ZBTB49: variants seen among roughly 807,000 people sequenced by gnomAD.
ZBTB49 encodes the protein zinc finger and BTB domain-containing protein 49.
A neutral mutation model predicts 57.5 loss-of-function variants in ZBTB49; 43 were observed. The observed-to-expected ratio is 0.75, with a 90% CI of 0.59 to 0.97. The LOEUF is 0.97. Ranked by LOEUF, ZBTB49 falls within the 50% of genes least tolerant of loss-of-function variation. ZBTB49 has a pLI of 0.00. For missense variants in ZBTB49, 938 were observed against 947.7 expected, an observed-to-expected ratio of 0.99 and a Z score of 0.13; for synonymous variants, 369 against 362.1, an observed-to-expected ratio of 1.02 and a Z score of -0.22.
intron 3 of ZBTB49, among the ~76,000 whole-genome samples, chr4:4,305,412 C>T (rs759101121): frequency 6.6e-6 from 1 of 152,044 alleles, no homozygotes; most frequent in African/African-American, 2.4e-5. Flanking sequence ...TATTCATTAG[C>T]GTTATATAGA....
Position 4,306,174 on chromosome 4 carries a change from A to T in ZBTB49, c.1292A>T (p.His431Leu). ...KPFECNICGKHFSQAGNLQTH... is the reference protein window; with the variant it reads ...KPFECNICGKLFSQAGNLQTH... ...TTTGAATGTAACATTTGTGGGAAAC[A>T]TTTCTCTCAGGTGGGAATACTCTTA... The change falls in exon 4 of 8, where the codon CAT becomes CTT. Residue 431 changes from histidine to leucine, a missense_variant. His to Leu is a moderately conservative substitution (Grantham distance 99). Transcript: ENST00000337872. 7 of 1,612,902 alleles carry T rather than the reference A, an allele frequency of 4.3e-6. No individual in the cohort carries two copies. The highest frequency in any genetic ancestry group is 5.9e-6 in the Non-Finnish European group (7 of 1,179,484).
rs1352995299 is a variant in ZBTB49, at chr4:4,315,805, C to G, written c.1460-4C>G. 6.2e-7 allele frequency: 1 copy of G among 1,614,146 alleles called. No homozygotes were observed. Among genetic ancestry groups the G allele is most frequent in the African/African-American group, 1.3e-5 (1 of 75,056 alleles). ...CAGCTTAACACCTGTTATGGTCTCT[C>G]TAGGGTTTAGTAACTTCAGTAATTT... On this transcript the variant is annotated splice_region_variant and splice_polypyrimidine_tract_variant and intron_variant, in intron 6 of 7. Transcript: ENST00000337872.
At chr4:4,303,939 C>T (rs1007542242) in intron 3 of ZBTB49, among the ~76,000 whole-genome samples, 1 of 152,106 alleles carries the variant, frequency 6.6e-6, no homozygotes, top group African/African-American at 2.4e-5. Flanking sequence ...GCTTCCACAG[C>T]AGCTGCTTTT....
At chr4:4,293,814 C>G (rs1720057518) in intron 1 of ZBTB49, among the ~76,000 whole-genome samples, 1 of 152,186 alleles carries the variant, frequency 6.6e-6, no homozygotes, top group South Asian at 2.1e-4. Context: ...CTCAGGCCTT[C>G]CATAGCCACT....
chr4:4,318,462 C>G (rs1305827968), intron 7 of ZBTB49, among the ~76,000 whole-genome samples: 1 of 151,936 alleles, frequency 6.6e-6, no homozygotes, highest in Non-Finnish European at 1.5e-5. Flanking sequence ...CTAAAAATAC[C>G]AAAATTAGCT....
At chr4:4,300,668 C>A (rs979618328) in intron 2 of ZBTB49, among the ~76,000 whole-genome samples, 1 of 151,888 alleles carries the variant, frequency 6.6e-6, no homozygotes, top group Non-Finnish European at 1.5e-5. Context: ...GTATTCCCAG[C>A]TACTCAGGAG....
chr4:4,306,164 T>C lies in ZBTB49; in HGVS notation c.1282T>C (p.Cys428Arg). ...TGAGAAACCTTTTGAATGTAACATT[T>C]GTGGGAAACATTTCTCTCAGGTGGG... The part of the protein sequence containing the change: ...TGEKPFECNI[C>R]GKHFSQAGNL... The change falls in exon 4 of 8, where the codon TGT becomes CGT. Residue 428 changes from cysteine to arginine, a missense_variant. By Grantham distance (180) the Cys-to-Arg change is radical (BLOSUM62 -3). Coordinates refer to ENST00000337872, the MANE Select transcript of ZBTB49 (RefSeq NM_145291.4). The C allele has an allele frequency of 2.5e-6, 4 of 1,613,214 alleles. No homozygotes were observed. Among genetic ancestry groups the C allele is most frequent in the Non-Finnish European group, 3.4e-6 (4 of 1,179,666 alleles).
intron 1 of ZBTB49, 61 bp from the exon 2 acceptor site, chr4:4,299,866 C>A: frequency 4.1e-6 from 6 of 1,475,336 alleles, no homozygotes; most frequent in Admixed American, 1.8e-5. Context: ...AGTTTCAGTC[C>A]CATTTAGTTT....
At position 4,300,062 on chromosome 4, in the gene ZBTB49, T is replaced by C; in HGVS notation, c.117T>C (p.His39=). The change falls in exon 2 of 8, where the codon CAT becomes CAC. Residue 39 remains histidine (H), a synonymous_variant. Coordinates refer to ENST00000337872, the MANE Select transcript of ZBTB49 (RefSeq NM_145291.4). The part of the protein sequence containing the change: ...LVVKGVCFKA[H]KNVLAAFSQY... ...TAAAAGGAGTCTGCTTTAAAGCGCA[T>C]AAGAATGTCCTGGCAGCATTCAGCC... is the stretch of plus-strand genomic sequence containing the variant. 1 of 1,614,218 alleles carries C rather than the reference T, an allele frequency of 6.2e-7. No homozygotes were observed. The highest frequency in any genetic ancestry group is 8.5e-7 in the Non-Finnish European group (1 of 1,180,040).
intron 1 of ZBTB49, among the ~76,000 whole-genome samples, chr4:4,294,644 C>T (rs538175928): frequency 7.9e-5 from 12 of 152,232 alleles, no homozygotes; most frequent in African/African-American, 2.2e-4. Flanking sequence ...CATGAGCCAC[C>T]GCACCCAGCC....
chr4:4,292,136 C>G (rs544412836), intron 1 of ZBTB49, among the ~76,000 whole-genome samples: 10 of 151,898 alleles, frequency 6.6e-5, no homozygotes, highest in Non-Finnish European at 1.3e-4. Context: ...CAAAAATTAG[C>G]TGGGTGTGGT....
chr4:4,301,897 G>A lies in ZBTB49; in HGVS notation c.153-92G>A, dbSNP rs1720487036. The A allele has an allele frequency of 5.7e-6, 7 of 1,233,540 alleles. No homozygotes were observed. The Admixed American group carries it at 2.3e-4, about 41-fold the overall frequency. 76.4% of individuals were successfully genotyped at this position (1,233,540 alleles called of 1,614,324 possible). ...AAGTTTTGACATTCACAGAAGGATA[G>A]TATTTTTTAATATTAATATATGAAT... On this transcript the variant is annotated intron_variant, in intron 2 of 7. Transcript: ENST00000337872.
intron 1 of ZBTB49, among the ~76,000 whole-genome samples, chr4:4,299,326 C>T (rs142504929): frequency 1.3e-5 from 2 of 152,238 alleles, no homozygotes; most frequent in African/African-American, 4.8e-5. Flanking sequence ...TGCTTCTTTG[C>T]GATGTCTCTT....
chr4:4,319,055 A>G (rs559021903), intron 7 of ZBTB49, among the ~76,000 whole-genome samples: 27 of 151,810 alleles, frequency 1.8e-4, no homozygotes, highest in Non-Finnish European at 3.2e-4. Flanking sequence ...ACACCCAGCT[A>G]ATTTTTATTT....
intron 4 of ZBTB49, among the ~76,000 whole-genome samples, chr4:4,309,118 A>G (rs1349049038): frequency 1.3e-5 from 2 of 152,262 alleles, no homozygotes; most frequent in Non-Finnish European, 2.9e-5. Context: ...GTATAAAAAC[A>G]TTTACAAATA....
At chr4:4,306,007 T>A in intron 3 of ZBTB49, 131 bp from the exon 4 acceptor site, 1 of 656,460 alleles carries the variant, frequency 1.5e-6, no homozygotes, top group East Asian at 2.7e-5. Flanking sequence ...AAGTAGACAC[T>A]CCCTATTTTC....
Position 4,302,419 on chromosome 4 carries a change from C to T in ZBTB49, c.583C>T (p.Pro195Ser), listed in dbSNP as rs1008289320. Reference protein sequence around the residue: ...HSAGEISKQAPDTSDGSCTEL... With the variant: ...HSAGEISKQASDTSDGSCTEL... ...CGCAGGTGAAATCTCAAAACAAGCT[C>T]CTGATACTTCAGATGGCAGCTGCAC... Residue 195 changes from proline (P) to serine (S), a missense_variant, in exon 3 of 8, where the codon CCT becomes TCT. Transcript: ENST00000337872. 6.2e-7 allele frequency: 1 copy of T among 1,614,234 alleles called. No homozygotes were observed.
intron 1 of ZBTB49, among the ~76,000 whole-genome samples, chr4:4,290,773 A>G (rs890869489): frequency 4.6e-5 from 7 of 152,236 alleles, no homozygotes; most frequent in African/African-American, 1.7e-4. Flanking sequence ...AAGACGACAG[A>G]GCCCACAGCC....
intron 7 of ZBTB49, among the ~76,000 whole-genome samples, chr4:4,317,454 C>A (rs979697158): frequency 6.6e-6 from 1 of 152,024 alleles, no homozygotes; most frequent in Non-Finnish European, 1.5e-5. Flanking sequence ...TTCATCACCC[C>A]AGAAGGAAGC....
Sources: gnomAD v4.1 joint callset for allele counts (sites outside exome capture counted in the v4.1 genomes callset) on GRCh38, gnomAD v4.1.1 for gene constraint, MANE v1.5 for transcripts, NCBI Gene and HGNC (gene_info 2026-07-23, HGNC 2026-07-21) for gene names.